SH3RF1: variants seen among roughly 807,000 people sequenced by gnomAD.
SH3RF1 encodes the protein E3 ubiquitin-protein ligase SH3RF1.
In SH3RF1, 32 loss-of-function variants were observed where a neutral mutation model predicts 74.0. That is an observed-to-expected ratio of 0.43 (90% CI 0.33 to 0.58). The LOEUF (loss-of-function observed/expected upper bound fraction) is 0.58. SH3RF1 is among the 20% of genes least tolerant of loss of function. The probability of loss-of-function intolerance (pLI) is 0.05; values close to 1 mark genes in which losing one functional copy is unlikely to be tolerated. For missense variants in SH3RF1, 954 were observed against 1,130.9 expected (o/e 0.84, Z 2.24); for synonymous variants, 396 against 439.6 (o/e 0.90, Z 1.24).
intron 2 of SH3RF1, among the ~76,000 whole-genome samples, chr4:169,179,197 G>C (rs75111503): frequency 3.9e-4 from 60 of 152,310 alleles, no homozygotes; most frequent in African/African-American, 1.4e-3. Flanking sequence ...ACATGACTAA[G>C]GGAGAATGGT....
chr4:169,116,044 G>A (rs868293180), intron 10 of SH3RF1, among the ~76,000 whole-genome samples: 5 of 152,146 alleles, frequency 3.3e-5, no homozygotes, highest in African/African-American at 9.7e-5. Flanking sequence ...AGTAGTGGGC[G>A]TTTAAACACA....
rs574172244 is a variant in SH3RF1 at position 169,191,491 on chromosome 4, T to C, written c.394-34812A>G. Among the ~76,000 whole-genome samples, 327 of 152,168 alleles carry C rather than the reference T, an allele frequency of 2.1e-3. 1 individual carries two copies. Among genetic ancestry groups the C allele is most frequent in the African/African-American group, 7.6e-3 (316 of 41,536 alleles). On this transcript the variant is annotated intron_variant, in intron 2 of 11. Transcript: ENST00000284637. ...AGCCAAAAGCAATCTACAAATTCAA[T>C]GCAATCCCCATCAAAATACCATCAT...
chr4:169,143,590 C>G (rs1324846649), intron 4 of SH3RF1, among the ~76,000 whole-genome samples: 1 of 152,148 alleles, frequency 6.6e-6, no homozygotes, highest in Non-Finnish European at 1.5e-5. Flanking sequence ...CTCCCTATGG[C>G]CCACATTTCT....
At chr4:169,179,414 C>G (rs1418322422) in intron 2 of SH3RF1, among the ~76,000 whole-genome samples, 1 of 152,178 alleles carries the variant, frequency 6.6e-6, no homozygotes, top group Non-Finnish European at 1.5e-5. Context: ...AATAAAATTA[C>G]TTTGTAGTTT....
At chr4:169,208,683 A>C in intron 2 of SH3RF1, among the ~76,000 whole-genome samples, 1 of 152,134 alleles carries the variant, frequency 6.6e-6, no homozygotes. Context: ...TCTAGTCTGA[A>C]GCTGCATCAG....
At chr4:169,162,422 T>C (rs1401462390) in intron 2 of SH3RF1, among the ~76,000 whole-genome samples, 1 of 152,204 alleles carries the variant, frequency 6.6e-6, no homozygotes, top group Non-Finnish European at 1.5e-5. Flanking sequence ...CAAAGTAACA[T>C]CAGAAGGGAC....
At chr4:169,219,324 G>T (rs902151536) in intron 2 of SH3RF1, among the ~76,000 whole-genome samples, 4 of 152,100 alleles carry the variant, frequency 2.6e-5, no homozygotes, top group African/African-American at 9.7e-5. Context: ...AATACTTGAT[G>T]TATTCAAGAA....
chr4:169,223,988 C>T (rs1185850525), intron 2 of SH3RF1, among the ~76,000 whole-genome samples: 5 of 152,218 alleles, frequency 3.3e-5, no homozygotes, highest in Non-Finnish European at 5.9e-5. Flanking sequence ...AAGATAAGTA[C>T]AGGTAAGAAT....
At chr4:169,195,242 T>C (rs952191969) in intron 2 of SH3RF1, among the ~76,000 whole-genome samples, 9 of 152,216 alleles carry the variant, frequency 5.9e-5, no homozygotes, top group African/African-American at 1.9e-4. Context: ...GTTGTTCCAT[T>C]GCCTTCTGCT....
rs748622093 is a variant in SH3RF1, at chr4:169,156,566, T to C, written c.507A>G (p.Glu169=). Residue 169 remains glutamate (E), a synonymous_variant, in exon 3 of 12, where the codon GAA becomes GAG. Transcript: ENST00000284637. ...CATTGACTTCCCCATGGTACCAATTTTCATCCACTTGTCTTCGCAAAATGA... is the reference window on the plus strand; with the variant it reads ...CATTGACTTCCCCATGGTACCAATTCTCATCCACTTGTCTTCGCAAAATGA... The part of the protein sequence containing the change: ...DIIILRRQVD[E]NWYHGEVNGI... The C allele has an allele frequency of 1.2e-6, 2 of 1,614,134 alleles. No homozygotes were observed. Among genetic ancestry groups the C allele is most frequent in the Non-Finnish European group, 1.7e-6 (2 of 1,179,996 alleles).
intron 2 of SH3RF1, among the ~76,000 whole-genome samples, chr4:169,264,423 C>A (rs895347236): frequency 1.3e-5 from 2 of 152,164 alleles, no homozygotes; most frequent in African/African-American, 4.8e-5. Context: ...TTGTGAGGTA[C>A]TAGGAGTTAG....
chr4:169,155,063 T>C (rs2126964333), intron 4 of SH3RF1, among the ~76,000 whole-genome samples: 1 of 152,334 alleles, frequency 6.6e-6, no homozygotes, highest in East Asian at 1.9e-4. Flanking sequence ...CTACTTTGCA[T>C]ATCACTATTC....
chr4:169,185,352 A>G (rs1579125671), intron 2 of SH3RF1, among the ~76,000 whole-genome samples: 4 of 152,346 alleles, frequency 2.6e-5, no homozygotes, highest in East Asian at 1.9e-4. Context: ...AATACTAGAC[A>G]TAGCAAGGAA....
intron 2 of SH3RF1, among the ~76,000 whole-genome samples, chr4:169,160,113 T>C (rs1734127696): frequency 6.6e-6 from 1 of 152,196 alleles, no homozygotes; most frequent in Admixed American, 6.5e-5. Flanking sequence ...CCTGTTTTTT[T>C]CCCTACCTCA....
chr4:169,104,621 G>A (rs1579083634), intron 11 of SH3RF1, among the ~76,000 whole-genome samples: 1 of 152,026 alleles, frequency 6.6e-6, no homozygotes, highest in East Asian at 1.9e-4. Context: ...ATAAATTGTG[G>A]CTGGGCTCCA....
intron 2 of SH3RF1, among the ~76,000 whole-genome samples, chr4:169,262,825 A>C (rs1281177047): frequency 1.3e-5 from 2 of 152,030 alleles, no homozygotes; most frequent in African/African-American, 2.4e-5. Context: ...CCTTTCCCAT[A>C]CCTTCCTTCT....
chr4:169,210,691 G>C (rs1041857640), intron 2 of SH3RF1, among the ~76,000 whole-genome samples: 1 of 152,208 alleles, frequency 6.6e-6, no homozygotes, highest in Non-Finnish European at 1.5e-5. Context: ...TGTGTAAAAA[G>C]ACTGTAAACT....
At position 169,106,866 on chromosome 4, in the gene SH3RF1, T is replaced by C. The variant is rs1193876657; in HGVS notation, c.2479A>G (p.Arg827Gly). 16 of 1,609,954 alleles carry C rather than the reference T, an allele frequency of 9.9e-6. No homozygotes were observed. The highest frequency in any genetic ancestry group is 1.4e-5 in the Non-Finnish European group (16 of 1,178,242). Residue 827 changes from arginine (R) to glycine (G), a missense_variant, in exon 11 of 12, where the codon AGA (arginine) becomes GGA (glycine). Physicochemically the swap from Arg to Gly is moderately radical, Grantham distance 125 (BLOSUM62 -2). Coordinates refer to ENST00000284637, the MANE Select transcript of SH3RF1 (RefSeq NM_020870.4). The part of the protein sequence containing the change: ...SSLGPVLNES[R>G]PVVCERHRVV... Reference sequence around the variant, plus strand: ...ACTTACCTTTCACAAACGACAGGTCTAGACTCATTCAAGACAGGACCCAGG... The same window carrying C: ...ACTTACCTTTCACAAACGACAGGTCCAGACTCATTCAAGACAGGACCCAGG...
intron 2 of SH3RF1, among the ~76,000 whole-genome samples, chr4:169,222,497 AT>A (rs1247321293): frequency 6.8e-6 from 1 of 147,720 alleles, no homozygotes; most frequent in African/African-American, 2.4e-5. Flanking sequence ...TTATATATAT[AT>A]TTTTATACAT....
Sources: gnomAD v4.1 joint callset for allele counts (sites outside exome capture counted in the v4.1 genomes callset) on GRCh38, gnomAD v4.1.1 for gene constraint, MANE v1.5 for transcripts, NCBI Gene and HGNC (gene_info 2026-07-23, HGNC 2026-07-21) for gene names.